EVI5L: variants seen among roughly 807,000 people sequenced by gnomAD.
EVI5L encodes ecotropic viral integration site 5 like, also known as EVI5-like protein.
A neutral mutation model predicts 106.1 loss-of-function variants in EVI5L; 30 were observed. The observed-to-expected ratio is 0.28, with a 90% CI of 0.21 to 0.38. The LOEUF is 0.38. EVI5L is among the 10% of genes least tolerant of loss of function. The pLI, the probability that EVI5L is intolerant of heterozygous loss-of-function variation, is 1.00. For synonymous variants in EVI5L, 489 were observed against 483.3 expected (o/e 1.01, Z -0.15); for missense variants, 809 against 1,098.0 (o/e 0.74, Z 3.72).
Position 7,843,580 on chromosome 19 carries a change from AG to A in EVI5L, c.-47-2914del, listed in dbSNP as rs1243252031. Among the ~76,000 whole-genome samples, 72 of 111,708 alleles carry A rather than the reference AG, an allele frequency of 6.4e-4. 1 individual carries two copies. The Admixed American group carries it at 6.8e-3, about 10-fold the overall frequency. 73.3% of individuals were successfully genotyped at this position (111,708 alleles called of 152,430 possible). ...TGTATAGGTATGTGAGTGTGAGAAT[AG>A]GCATGGGTGTGTGTCAAGTGTGTGT... On this transcript the variant is annotated intron_variant, in intron 1 of 19. Coordinates refer to ENST00000538904, the MANE Select transcript of EVI5L (RefSeq NM_001159944.3).
chr19:7,860,867 G>T (rs1387368457), intron 14 of EVI5L, among the ~76,000 whole-genome samples, 178 bp downstream of exon 14: 1 of 152,100 alleles, frequency 6.6e-6, no homozygotes. Context: ...CCTGTATGAG[G>T]CAAACTCCAG....
Position 7,846,475 on chromosome 19 carries a change from AC to A in EVI5L, c.-47-20del, listed in dbSNP as rs1978954134. 1.3e-6 allele frequency: 2 copies of A among 1,532,178 alleles called. No individual in the cohort carries two copies. Among genetic ancestry groups the A allele is most frequent in the Non-Finnish European group, 1.8e-6 (2 of 1,139,634 alleles). 94.9% of individuals were successfully genotyped at this position (1,532,178 alleles called of 1,614,324 possible). A position where few individuals can be genotyped will look rare whatever the true frequency, so the allele number is the denominator to read the frequency against. ...AGTGGGCTCCCACCCAATGCCGACCACGCATGTCTCTGGCCCCCAGACAGAG... is the reference window on the plus strand; with the variant it reads ...AGTGGGCTCCCACCCAATGCCGACCAGCATGTCTCTGGCCCCCAGACAGAG... On this transcript the variant is annotated intron_variant, in intron 1 of 19. Coordinates refer to ENST00000538904, the MANE Select transcript of EVI5L (RefSeq NM_001159944.3).
chr19:7,842,374 A>C (rs1234930031), intron 1 of EVI5L, among the ~76,000 whole-genome samples: 3 of 128,254 alleles, frequency 2.3e-5, no homozygotes, highest in African/African-American at 8.2e-5. Context: ...AAGTGCGTGC[A>C]TGTGTGTGCA....
In EVI5L at chr19:7,860,708, CG is replaced by C; in HGVS notation, c.1503+22del. ...GGAAAAGGTGCAATGGGGAGGCAGACGGGCAGGTGTCGGGGGGACCCTGGGG... is the reference window on the plus strand; with the variant it reads ...GGAAAAGGTGCAATGGGGAGGCAGACGGCAGGTGTCGGGGGGACCCTGGGG... On this transcript the variant is annotated intron_variant, in intron 14 of 19. Transcript: ENST00000538904. 1 of 1,565,038 alleles carries C rather than the reference CG, an allele frequency of 6.4e-7. No individual in the cohort carries two copies.
intron 17 of EVI5L, 48 bp downstream of exon 17, chr19:7,862,582 G>A: frequency 2.3e-6 from 3 of 1,312,180 alleles, no homozygotes; most frequent in Non-Finnish European, 1.9e-6. Flanking sequence ...GCCCCCGGAC[G>A]CGCCCCTACA....
intron 1 of EVI5L, 149 bp from the exon 2 acceptor site, chr19:7,846,347 G>T (rs1727924818): frequency 3.1e-6 from 2 of 639,528 alleles, no homozygotes; most frequent in South Asian, 4.8e-5. Flanking sequence ...ATGGCTGTCA[G>T]CTGGGCTGGG....
chr19:7,855,954 G>T, intron 10 of EVI5L, 61 bp from the exon 11 acceptor site: 1 of 1,306,946 alleles, frequency 7.7e-7, no homozygotes, highest in East Asian at 2.8e-5. Context: ...GGGTAAATGA[G>T]GGGTGCATGT....
intron 10 of EVI5L, 112 bp from the exon 11 acceptor site, chr19:7,855,903 C>A: frequency 1.0e-6 from 1 of 977,116 alleles, no homozygotes; most frequent in South Asian, 4.7e-5. Flanking sequence ...GTGCCCTGCC[C>A]GGAAAAGTGG....
At chr19:7,862,661 CCGCCCCCGCCCG>C (rs1383750396) in intron 17 of EVI5L, 127 bp downstream of exon 17, 1 of 821,328 alleles carries the variant, frequency 1.2e-6, no homozygotes, top group Admixed American at 4.4e-5. Context: ...CGCGGTCCTC[CCGCCCCCGCCCG>C]CGGCCCCGCC....
chr19:7,862,765 G>C (rs1381453775), intron 17 of EVI5L, among the ~76,000 whole-genome samples: 1 of 61,094 alleles, frequency 1.6e-5, no homozygotes, highest in African/African-American at 6.1e-5. Flanking sequence ...CCCGCCTCCT[G>C]ATCCGCCCCC....
chr19:7,853,040 C>T (rs1979334887), intron 8 of EVI5L, 46 bp from the exon 9 acceptor site: 1 of 1,608,374 alleles, frequency 6.2e-7, no homozygotes. Flanking sequence ...CCCCGGTGGT[C>T]AGGGCCTGCA....
intron 1 of EVI5L, among the ~76,000 whole-genome samples, chr19:7,841,859 G>A (rs1978615343): frequency 6.6e-6 from 1 of 152,196 alleles, no homozygotes. Context: ...GTCAGCACCA[G>A]GAAGGAGTGA....
At chr19:7,842,809 G>A (rs1345193765) in intron 1 of EVI5L, among the ~76,000 whole-genome samples, 4 of 150,480 alleles carry the variant, frequency 2.7e-5, no homozygotes, top group African/African-American at 7.4e-5. Flanking sequence ...TGTGTATATC[G>A]AGTGTGCACA....
In EVI5L at chr19:7,842,512, AGT is replaced by A. The variant is rs530814767; in HGVS notation, c.-47-3978_-47-3977del. 6.9e-3 allele frequency among the ~76,000 whole-genome samples: 1,013 copies of A among 147,288 alleles called. 13 individuals are homozygous for A. Among genetic ancestry groups the A allele is most frequent in the African/African-American group, 0.025 (971 of 39,622 alleles). ...GGGATGTGTGAAAGTGTGTGTATCAAGTGTGTGCATGTCTGTGAATTGGGGTG... is the reference window on the plus strand; with the variant it reads ...GGGATGTGTGAAAGTGTGTGTATCAAGTGTGCATGTCTGTGAATTGGGGTG... On this transcript the variant is annotated intron_variant, in intron 1 of 19. Transcript: ENST00000538904.
chr19:7,848,334 C>T lies in EVI5L; in HGVS notation c.327+413C>T, dbSNP rs535406739. On this transcript the variant is annotated intron_variant, in intron 3 of 19. Transcript: ENST00000538904. This position sits in a 1 kb window ranked among gnomAD's most constrained non-coding sequence, Gnocchi z 4.8. Reference sequence around the variant, plus strand: ...CAGGTAGGCCGGGCGCAGTGGCTCACGCCTGTAATCCCAGTTCGTTGGAAG... The same window carrying T: ...CAGGTAGGCCGGGCGCAGTGGCTCATGCCTGTAATCCCAGTTCGTTGGAAG... Among the ~76,000 whole-genome samples, 74 of 152,212 alleles carry T rather than the reference C, an allele frequency of 4.9e-4. 1 individual carries two copies. In the Middle Eastern group the frequency reaches 0.014, roughly 28 times the overall value.
chr19:7,861,798 G>C (rs752598941), intron 14 of EVI5L, 80 bp from the exon 15 acceptor site: 6 of 1,518,998 alleles, frequency 3.9e-6, no homozygotes, highest in Non-Finnish European at 4.4e-6. Flanking sequence ...AGGAGGAAAC[G>C]TGGCTGGGGG....
rs563117636 is a variant in EVI5L at position 7,857,261 on chromosome 19, G to A, written c.1233+137G>A. Reference sequence around the variant, plus strand: ...GCCATGCATGGAGCAGCTGGGGACCGCTTCTGGGGGACACAGAGGCTTCCC... The same window carrying A: ...GCCATGCATGGAGCAGCTGGGGACCACTTCTGGGGGACACAGAGGCTTCCC... On this transcript the variant is annotated intron_variant, in intron 12 of 19. Coordinates refer to ENST00000538904, the MANE Select transcript of EVI5L (RefSeq NM_001159944.3). The surrounding 1 kb of genome is among the most constrained non-coding windows in gnomAD (Gnocchi z 4.5). 2.6e-5 allele frequency: 31 copies of A among 1,195,184 alleles called. No homozygotes were observed. Among genetic ancestry groups the A allele is most frequent in the African/African-American group, 1.8e-4 (12 of 66,068 alleles). 74.0% of individuals were successfully genotyped at this position (1,195,184 alleles called of 1,614,324 possible).
chr19:7,858,565 A>G lies in EVI5L; in HGVS notation c.1374+234A>G, dbSNP rs1979650624. 3.4e-6 allele frequency: 2 copies of G among 587,576 alleles called. No individual in the cohort carries two copies. The highest frequency in any genetic ancestry group is 6.2e-5 in the East Asian group (2 of 32,190). 36.4% of individuals were successfully genotyped at this position (587,576 alleles called of 1,614,324 possible). ...CCTCATAGTGTGTCTGCAGTATCTG[A>G]CTTCCCAACCCCCAGCCTCAGCACG... On this transcript the variant is annotated intron_variant, in intron 13 of 19. Coordinates refer to ENST00000538904, the MANE Select transcript of EVI5L (RefSeq NM_001159944.3). This position sits in a 1 kb window ranked among gnomAD's most constrained non-coding sequence, Gnocchi z 5.7.
chr19:7,846,838 C>T (rs1228312095), intron 2 of EVI5L, among the ~76,000 whole-genome samples, 159 bp downstream of exon 2: 4 of 152,220 alleles, frequency 2.6e-5, no homozygotes. Context: ...CTTTCATCCT[C>T]CCAACCCTGG....
Sources: gnomAD v4.1 joint callset for allele counts (sites outside exome capture counted in the v4.1 genomes callset) on GRCh38, gnomAD v4.1.1 for gene constraint, Gnocchi (gnomAD v3.1) non-coding constraint, MANE v1.5 for transcripts, NCBI Gene and HGNC (gene_info 2026-07-23, HGNC 2026-07-21) for gene names.